NDUFA5: variants seen among roughly 807,000 people sequenced by gnomAD.
The protein encoded by NDUFA5 is NADH dehydrogenase [ubiquinone] 1 alpha subcomplex subunit 5.
NDUFA5 carries 11 observed loss-of-function variants against 19.8 expected under a neutral mutation model. The ratio of observed to expected loss-of-function variants is 0.56; its 90% confidence interval spans 0.35 to 0.92. NDUFA5 has a LOEUF of 0.92. NDUFA5 is among the 40% of genes least tolerant of loss of function. The pLI is 0.01. For synonymous variants in NDUFA5, 47 were observed against 46.8 expected, an observed-to-expected ratio of 1.00 and a Z score of -0.01; for missense variants, 109 against 134.2, an observed-to-expected ratio of 0.81 and a Z score of 0.93.
chr7:123,600,052 T>A, the NDUFA5 span, among the ~76,000 whole-genome samples: 1 of 152,184 alleles, frequency 6.6e-6, no homozygotes, highest in Non-Finnish European at 1.5e-5. Context: ...TCAAAGTATG[T>A]CTTATTGTGT....
intron 2 of NDUFA5, chr7:123,551,406 G>T: frequency 4.9e-6 from 1 of 206,070 alleles, no homozygotes; most frequent in Non-Finnish European, 8.5e-6. Context: ...ACAGGGTTTT[G>T]CCATGTTGGC....
the NDUFA5 span, among the ~76,000 whole-genome samples, chr7:123,570,977 G>A: frequency 6.6e-6 from 1 of 152,122 alleles, no homozygotes; most frequent in African/African-American, 2.4e-5. Context: ...ATTTCCATCT[G>A]TAAAACACAC....
the NDUFA5 span, among the ~76,000 whole-genome samples, chr7:123,577,601 A>G: frequency 6.6e-6 from 1 of 152,166 alleles, no homozygotes; most frequent in Non-Finnish European, 1.5e-5. Flanking sequence ...CAGGTTTTGA[A>G]AACTCCAAAA....
At chr7:123,590,721 G>A in the NDUFA5 span, among the ~76,000 whole-genome samples, 5 of 152,292 alleles carry the variant, frequency 3.3e-5, no homozygotes, top group South Asian at 6.2e-4. Context: ...ATAGTTCGAT[G>A]TCAGGTAGCG....
chr7:123,598,273 G>T, the NDUFA5 span, among the ~76,000 whole-genome samples: 1 of 151,958 alleles, frequency 6.6e-6, no homozygotes, highest in Non-Finnish European at 1.5e-5. Context: ...TCATAATTAT[G>T]CCCTTATTTT....
chr7:123,545,673 G>A lies in NDUFA5; in HGVS notation c.187C>T (p.Pro63Ser). The change falls in exon 4 of 5, where the codon CCA becomes TCA. Residue 63 changes from proline to serine, a missense_variant. By Grantham distance (74) the Pro-to-Ser change is moderately conservative. Transcript: ENST00000355749. ...TGGTCTTCTAATTTTTTAACATCTGGTTCCTATAATTTCAGGGAGAAAAAA... is the reference window on the plus strand; with the variant it reads ...TGGTCTTCTAATTTTTTAACATCTGATTCCTATAATTTCAGGGAGAAAAAA... ...NEKLAMVKAEPDVKKLEDQLQ... is the reference protein window; with the variant it reads ...NEKLAMVKAESDVKKLEDQLQ... 8.7e-6 allele frequency: 14 copies of A among 1,604,434 alleles called. No individual in the cohort carries two copies. The highest frequency in any genetic ancestry group is 1.2e-5 in the Non-Finnish European group (14 of 1,175,566).
chr7:123,575,706 A>G, the NDUFA5 span, among the ~76,000 whole-genome samples: 5 of 150,932 alleles, frequency 3.3e-5, no homozygotes, highest in Non-Finnish European at 7.4e-5. Context: ...GTTTGCTTAT[A>G]TTTTCTTTAC....
chr7:123,580,682 G>T, the NDUFA5 span, among the ~76,000 whole-genome samples: 3 of 152,062 alleles, frequency 2.0e-5, no homozygotes, highest in African/African-American at 7.2e-5. Flanking sequence ...CCATGTGGGT[G>T]AGTGGAGATT....
At position 123,538,372 on chromosome 7, in the gene NDUFA5, C is replaced by T. The variant is rs979854227; in HGVS notation, c.*3747G>A. The T allele has an allele frequency of 6.6e-6, 1 of 152,198 alleles. No individual in the cohort carries two copies. Among genetic ancestry groups the T allele is most frequent in the African/African-American group, 2.4e-5 (1 of 41,438 alleles). The allele number at this position is 152,198 out of a possible 1,614,324, so 9.4% of individuals were successfully genotyped here. ...TCTCTAGTCTCTCAAATGAATTCTT[C>T]CTGTCCCCATCAATCATTCAAACCC... On this transcript the variant is annotated 3_prime_UTR_variant, in exon 5 of 5. Transcript: ENST00000355749.
At chr7:123,556,592 A>AT (rs1158453511) in intron 2 of NDUFA5, 1 of 246,832 alleles carries the variant, frequency 4.1e-6, no homozygotes, top group African/African-American at 2.3e-5. Context: ...ATGATGGAAA[A>AT]AGTGTCAAAT....
At chr7:123,550,419 C>A in intron 3 of NDUFA5, 51 bp downstream of exon 3, 4 of 297,878 alleles carry the variant, frequency 1.3e-5, no homozygotes, top group East Asian at 6.6e-5. Context: ...AGGAACTAAA[C>A]TTTTTTGGTT....
the NDUFA5 span, among the ~76,000 whole-genome samples, chr7:123,564,948 C>T: frequency 2.7e-5 from 4 of 150,158 alleles, no homozygotes; most frequent in African/African-American, 9.9e-5. Flanking sequence ...CACACAAGTA[C>T]ATATAAACAT....
chr7:123,568,974 A>T, the NDUFA5 span, among the ~76,000 whole-genome samples: 6 of 152,352 alleles, frequency 3.9e-5, no homozygotes, highest in Admixed American at 3.9e-4. Context: ...ACAGAAGACA[A>T]CAGCTAAAAT....
intron 2 of NDUFA5, 99 bp from the exon 3 acceptor site, chr7:123,550,685 GT>G (rs1236764840): frequency 0.036 from 15,430 of 430,478 alleles, no homozygotes; most frequent in East Asian, 0.055. Context: ...ACTCACATCT[GT>G]TTTTTTTTTT....
upstream of NDUFA5, among the ~76,000 whole-genome samples, chr7:123,560,202 T>G (rs1490318548): frequency 6.6e-6 from 1 of 152,144 alleles, no homozygotes; most frequent in Non-Finnish European, 1.5e-5. Context: ...ATAAAGATGC[T>G]TAGAAAAACC....
intron 1 of NDUFA5, 163 bp downstream of exon 1, chr7:123,557,612 C>A (rs780403833): frequency 5.6e-6 from 9 of 1,613,278 alleles, no homozygotes; most frequent in South Asian, 5.5e-5. Flanking sequence ...ACTCTCGGAG[C>A]GGAACCACTA....
the NDUFA5 span, among the ~76,000 whole-genome samples, chr7:123,573,288 C>CTTTTTTTTT: frequency 5.1e-5 from 6 of 117,888 alleles, no homozygotes; most frequent in South Asian, 2.8e-4. Flanking sequence ...TCTGGATTTG[C>CTTTTTTTTT]TTTTTTTTTT....
the NDUFA5 span, among the ~76,000 whole-genome samples, chr7:123,568,359 A>C: frequency 1.1e-4 from 17 of 152,136 alleles, no homozygotes; most frequent in African/African-American, 3.9e-4. Flanking sequence ...CTAAAAAAAA[A>C]AAAATACAAA....
chr7:123,594,789 C>G, the NDUFA5 span, among the ~76,000 whole-genome samples: 1 of 152,178 alleles, frequency 6.6e-6, no homozygotes, highest in Non-Finnish European at 1.5e-5. Context: ...TCTCAAATGC[C>G]ATGCTGGGAG....
Sources: allele counts gnomAD v4.1 joint callset (sites outside exome capture counted in the v4.1 genomes callset), GRCh38; gene constraint gnomAD v4.1.1; transcripts MANE v1.5; gene names NCBI Gene and HGNC (gene_info 2026-07-23, HGNC 2026-07-21).